ESRRG: variants seen among roughly 807,000 people sequenced by gnomAD.
The protein encoded by ESRRG is estrogen-related receptor gamma.
In ESRRG, 13 loss-of-function variants were observed where a neutral mutation model predicts 44.0. The observed-to-expected ratio is 0.30, with a 90% CI of 0.19 to 0.47. ESRRG has a LOEUF of 0.47. Among genes scored for constraint, ESRRG ranks in the 20% least tolerant of loss-of-function variants. The pLI is 1.00. For missense variants in ESRRG, 395 were observed against 580.6 expected, an observed-to-expected ratio of 0.68 and a Z score of 3.29; for synonymous variants, 215 against 214.6, an observed-to-expected ratio of 1.00 and a Z score of -0.02.
At chr1:217,010,748 CTT>C (rs2078445537) in intron 1 of ESRRG, among the ~76,000 whole-genome samples, 1 of 152,036 alleles carries the variant, frequency 6.6e-6, no homozygotes. Context: ...GGCCAAGAGA[CTT>C]TGAATAAAAC....
intron 3 of ESRRG, among the ~76,000 whole-genome samples, chr1:216,570,479 T>C (rs1411805019): frequency 6.6e-6 from 1 of 152,222 alleles, no homozygotes; most frequent in Admixed American, 6.5e-5. Context: ...TGATTTATTT[T>C]TTTTCATCTC....
At chr1:217,080,591 G>C (rs745342601) in intron 1 of ESRRG, among the ~76,000 whole-genome samples, 1 of 150,752 alleles carries the variant, frequency 6.6e-6, no homozygotes, top group South Asian at 2.1e-4. Flanking sequence ...CTGACCCGAA[G>C]ACATCTCTTG....
intron 2 of ESRRG, among the ~76,000 whole-genome samples, chr1:216,880,759 G>A (rs1326358631): frequency 6.6e-6 from 1 of 152,042 alleles, no homozygotes; most frequent in Admixed American, 6.6e-5. Flanking sequence ...GTATATTAAG[G>A]AATATGAGGT....
intron 1 of ESRRG, among the ~76,000 whole-genome samples, chr1:216,978,228 T>A (rs1209326959): frequency 6.6e-6 from 1 of 152,134 alleles, no homozygotes; most frequent in Non-Finnish European, 1.5e-5. Context: ...AATGCCTACC[T>A]TTTTAAAAAA....
intron 2 of ESRRG, among the ~76,000 whole-genome samples, chr1:216,669,051 GT>G (rs1471923879): frequency 6.6e-6 from 1 of 151,846 alleles, no homozygotes; most frequent in Non-Finnish European, 1.5e-5. Context: ...GTCTGGGCTT[GT>G]TTTTGAATGC....
chr1:217,048,960 C>A (rs1032601673), intron 1 of ESRRG, among the ~76,000 whole-genome samples: 1 of 152,120 alleles, frequency 6.6e-6, no homozygotes, highest in African/African-American at 2.4e-5. Context: ...GGATAGTGAT[C>A]AAAATCCTCA....
chr1:216,619,061 A>G (rs991714735), intron 3 of ESRRG, among the ~76,000 whole-genome samples: 5 of 152,246 alleles, frequency 3.3e-5, no homozygotes, highest in African/African-American at 1.2e-4. Context: ...GATGAATACA[A>G]AAGTCACACC....
In ESRRG at chr1:217,104,201, C is replaced by T. The variant is rs1413473812; in HGVS notation, c.-230+33466G>A. ...TGATCTAAGTCAAAGATGGGACTGT[C>T]TTTGTGTCTCTTGTAGCCCCTGTGA... is the stretch of plus-strand genomic sequence containing the variant. On this transcript the variant is annotated intron_variant, in intron 1 of 8. Transcript: ENST00000366940. 2.0e-5 allele frequency among the ~76,000 whole-genome samples: 3 copies of T among 152,182 alleles called. No individual in the cohort carries two copies. The East Asian group carries it at 5.8e-4, about 29-fold the overall frequency.
intron 2 of ESRRG, among the ~76,000 whole-genome samples, chr1:216,889,074 T>C (rs2057423979): frequency 6.6e-6 from 1 of 152,202 alleles, no homozygotes; most frequent in Admixed American, 6.5e-5. Context: ...GTGTGAACTT[T>C]TACTTCCTGT....
At chr1:216,719,305 C>G (rs960329150) in intron 1 of ESRRG, among the ~76,000 whole-genome samples, 1 of 151,802 alleles carries the variant, frequency 6.6e-6, no homozygotes, top group Non-Finnish European at 1.5e-5. Context: ...AAGTATGGCC[C>G]GGCTAATGAG....
intron 2 of ESRRG, among the ~76,000 whole-genome samples, chr1:216,744,062 G>T (rs965880614): frequency 3.3e-5 from 5 of 152,088 alleles, no homozygotes; most frequent in African/African-American, 1.2e-4. Context: ...TTATCTAAGT[G>T]ATGAGCAGAA....
intron 3 of ESRRG, among the ~76,000 whole-genome samples, chr1:216,615,667 T>C (rs1303845670): frequency 6.6e-6 from 1 of 152,030 alleles, no homozygotes; most frequent in Non-Finnish European, 1.5e-5. Context: ...GTCCTCACTC[T>C]AGTGTTACCC....
chr1:216,677,534 G>A, intron 1 of ESRRG, 43 bp from the exon 2 acceptor site: 3 of 1,521,864 alleles, frequency 2.0e-6, no homozygotes, highest in Non-Finnish European at 2.7e-6. Context: ...AGAGGAGAGA[G>A]TGTCAAGCAC....
At chr1:216,953,936 A>T (rs1464920678) in intron 1 of ESRRG, among the ~76,000 whole-genome samples, 1 of 152,076 alleles carries the variant, frequency 6.6e-6, no homozygotes, top group Non-Finnish European at 1.5e-5. Flanking sequence ...AAAACATAAG[A>T]CTAGTAAGAA....
At chr1:216,584,765 A>G (rs892870515) in intron 3 of ESRRG, among the ~76,000 whole-genome samples, 2 of 152,228 alleles carry the variant, frequency 1.3e-5, no homozygotes, top group African/African-American at 4.8e-5. Flanking sequence ...GAAAGGTACT[A>G]GTAACCTGGT....
At chr1:216,970,200 T>G (rs1396104485) in intron 1 of ESRRG, among the ~76,000 whole-genome samples, 1 of 152,180 alleles carries the variant, frequency 6.6e-6, no homozygotes, top group African/African-American at 2.4e-5. Flanking sequence ...AGAGTTTTAC[T>G]ATCAACTGGA....
intron 1 of ESRRG, among the ~76,000 whole-genome samples, chr1:216,717,385 A>G (rs1376983555): frequency 6.6e-6 from 1 of 151,858 alleles, no homozygotes; most frequent in Non-Finnish European, 1.5e-5. Context: ...CTTACAAAGT[A>G]CAAGACTAAA....
intron 1 of ESRRG, among the ~76,000 whole-genome samples, chr1:217,017,524 G>A (rs889467845): frequency 2.0e-5 from 3 of 147,816 alleles, no homozygotes; most frequent in Non-Finnish European, 4.5e-5. Flanking sequence ...ACTGTTTGCA[G>A]TGTTCACTCT....
At chr1:216,803,767 C>T (rs1171715048) in intron 2 of ESRRG, among the ~76,000 whole-genome samples, 1 of 151,806 alleles carries the variant, frequency 6.6e-6, no homozygotes. Context: ...TACTTTATGT[C>T]TTTTTTTTAC....
Sources: allele counts gnomAD v4.1 joint callset (sites outside exome capture counted in the v4.1 genomes callset), GRCh38; gene constraint gnomAD v4.1.1; transcripts MANE v1.5; gene names NCBI Gene and HGNC (gene_info 2026-07-23, HGNC 2026-07-21).